The following GHR variants were observed in gnomAD, a reference collection of about 807,000 sequenced individuals.
GHR encodes GH receptor.
Under a neutral mutation model 67.1 loss-of-function variants are expected in GHR, and 35 were observed. That is an observed-to-expected ratio of 0.52 (90% CI 0.40 to 0.69). The LOEUF (loss-of-function observed/expected upper bound fraction) is 0.69, where lower values mean the gene tolerates loss of function less well. Ranked by LOEUF, GHR falls within the 30% of genes least tolerant of loss-of-function variation. The pLI is 0.00. For synonymous variants in GHR, 272 were observed against 269.1 expected, an observed-to-expected ratio of 1.01 and a Z score of -0.10; for missense variants, 792 against 764.6, an observed-to-expected ratio of 1.04 and a Z score of -0.42.
chr5:42,520,958 T>C (rs566472284), intron 1 of GHR, among the ~76,000 whole-genome samples: 1 of 152,334 alleles, frequency 6.6e-6, no homozygotes, highest in South Asian at 2.1e-4. Context: ...TTTATAGCAT[T>C]TATCTCCACC....
intron 1 of GHR, among the ~76,000 whole-genome samples, chr5:42,475,964 G>A (rs1269861515): frequency 6.6e-6 from 1 of 150,532 alleles, no homozygotes; most frequent in Non-Finnish European, 1.5e-5. Context: ...GAGTGCAGTG[G>A]CGGGATCTCG....
intron 1 of GHR, among the ~76,000 whole-genome samples, chr5:42,436,169 A>G (rs75192547): frequency 1.3e-5 from 2 of 152,220 alleles, no homozygotes; most frequent in Non-Finnish European, 2.9e-5. Context: ...TAAGGCACAT[A>G]GCCTTGAGTA....
chr5:42,584,601 GT>G (rs1751373530), intron 2 of GHR, among the ~76,000 whole-genome samples: 1 of 152,070 alleles, frequency 6.6e-6, no homozygotes, highest in African/African-American at 2.4e-5. Context: ...TTGTGTAGTG[GT>G]TTTTCATAAT....
chr5:42,628,576 A>T (rs528523282), intron 2 of GHR, among the ~76,000 whole-genome samples: 2 of 131,942 alleles, frequency 1.5e-5, no homozygotes, highest in Admixed American at 1.5e-4. Flanking sequence ...TGGTTCAGAG[A>T]TTCTTTAATC....
At chr5:42,681,821 A>G (rs1756893765) in intron 3 of GHR, among the ~76,000 whole-genome samples, 1 of 151,002 alleles carries the variant, frequency 6.6e-6, no homozygotes, top group Non-Finnish European at 1.5e-5. Context: ...CTGTAGTCCC[A>G]GCTACTCGGG....
Position 42,643,092 on chromosome 5 carries a change from G to C in GHR, c.136+13989G>C, listed in dbSNP as rs139797134. 3.8e-3 allele frequency among the ~76,000 whole-genome samples: 584 copies of C among 152,210 alleles called. 4 individuals are homozygous for C. Among genetic ancestry groups the C allele is most frequent in the African/African-American group, 0.013 (551 of 41,506 alleles). ...TCACAGGTACCAAGGTTTAGGACTT[G>C]GGCATATCTTTGGAGGATACAGTTC... is the stretch of plus-strand genomic sequence containing the variant. On this transcript the variant is annotated intron_variant, in intron 3 of 9. Coordinates refer to ENST00000230882, the MANE Select transcript of GHR (RefSeq NM_000163.5).
At chr5:42,501,901 G>A (rs1016876543) in intron 1 of GHR, among the ~76,000 whole-genome samples, 1 of 152,156 alleles carries the variant, frequency 6.6e-6, no homozygotes, top group East Asian at 1.9e-4. Flanking sequence ...TTGACAAATG[G>A]TGTTTTTGCT....
At chr5:42,496,971 A>G (rs1228743976) in intron 1 of GHR, among the ~76,000 whole-genome samples, 2 of 152,202 alleles carry the variant, frequency 1.3e-5, no homozygotes, top group African/African-American at 2.4e-5. Context: ...CACTTACACC[A>G]GTATTCAGTG....
At chr5:42,503,067 C>A (rs999754841) in intron 1 of GHR, among the ~76,000 whole-genome samples, 39 of 152,188 alleles carry the variant, frequency 2.6e-4, no homozygotes, top group African/African-American at 9.1e-4. Flanking sequence ...TCTCAGCTAA[C>A]TTTAGTTTCT....
At chr5:42,515,833 G>T (rs548783171) in intron 1 of GHR, among the ~76,000 whole-genome samples, 1 of 152,264 alleles carries the variant, frequency 6.6e-6, no homozygotes, top group Admixed American at 6.5e-5. Flanking sequence ...CAGTTTTATC[G>T]CAGCCTATGA....
chr5:42,438,018 G>T (rs1743406849), intron 1 of GHR, among the ~76,000 whole-genome samples: 2 of 151,992 alleles, frequency 1.3e-5, no homozygotes, highest in Admixed American at 1.3e-4. Context: ...CTAAATTCAG[G>T]CTCACTTTAG....
chr5:42,646,470 G>A (rs1415835803), intron 3 of GHR: 1 of 340,484 alleles, frequency 2.9e-6, no homozygotes, highest in Non-Finnish European at 5.8e-6. Context: ...TATTTACCCA[G>A]GTAAATAAGC....
chr5:42,685,927 C>G (rs1757116744), intron 3 of GHR, among the ~76,000 whole-genome samples: 1 of 152,160 alleles, frequency 6.6e-6, no homozygotes, highest in Non-Finnish European at 1.5e-5. Context: ...TTTTGCTGTG[C>G]AGAAGCTCTT....
At chr5:42,514,026 G>A in intron 1 of GHR, 1 of 764,428 alleles carries the variant, frequency 1.3e-6, no homozygotes, top group Non-Finnish European at 1.6e-6. Context: ...TTACTTACTG[G>A]AAAAGAAAAA....
intron 6 of GHR, 136 bp downstream of exon 6, chr5:42,700,138 A>G: frequency 1.5e-6 from 1 of 671,840 alleles, no homozygotes; most frequent in Non-Finnish European, 2.7e-6. Flanking sequence ...AATTGAGAAA[A>G]CATTATTTAA....
At chr5:42,665,485 C>T (rs1225728489) in intron 3 of GHR, among the ~76,000 whole-genome samples, 1 of 151,766 alleles carries the variant, frequency 6.6e-6, no homozygotes, top group Non-Finnish European at 1.5e-5. Flanking sequence ...TCTGAGTAAA[C>T]TATCGCAAGA....
At chr5:42,666,889 A>C (rs1489960726) in intron 3 of GHR, among the ~76,000 whole-genome samples, 1 of 152,178 alleles carries the variant, frequency 6.6e-6, no homozygotes, top group Non-Finnish European at 1.5e-5. Flanking sequence ...GTGAGGAATA[A>C]GGAAACTTGC....
At chr5:42,525,339 G>A (rs943677794) in intron 1 of GHR, among the ~76,000 whole-genome samples, 1 of 152,204 alleles carries the variant, frequency 6.6e-6, no homozygotes, top group Non-Finnish European at 1.5e-5. Context: ...TTTAAAGTTT[G>A]ACTGCCCTGC....
chr5:42,686,375 A>T (rs998770657), intron 3 of GHR, among the ~76,000 whole-genome samples: 8 of 152,084 alleles, frequency 5.3e-5, no homozygotes, highest in Admixed American at 3.3e-4. Context: ...GACACAATAA[A>T]AAAAGAAAAT....
Sources: allele counts gnomAD v4.1 joint callset (sites outside exome capture counted in the v4.1 genomes callset), GRCh38; gene constraint gnomAD v4.1.1; transcripts MANE v1.5; gene names NCBI Gene and HGNC (gene_info 2026-07-23, HGNC 2026-07-21).